FGF14: variants seen among roughly 807,000 people sequenced by gnomAD.
FGF14 encodes fibroblast growth factor homologous factor 4.
Under a neutral mutation model 25.5 loss-of-function variants are expected in FGF14, and 5 were observed. That is an observed-to-expected ratio of 0.20 (90% confidence interval 0.10 to 0.41). The LOEUF (loss-of-function observed/expected upper bound fraction) is 0.41, where lower values mean the gene tolerates loss of function less well. FGF14 is among the 10% of genes least tolerant of loss of function. FGF14 has a pLI of 1.00. For missense variants in FGF14, 222 were observed against 320.1 expected (o/e 0.69, Z 2.34); for synonymous variants, 138 against 118.3 (o/e 1.17, Z -1.08).
chr13:101,949,164 T>C (rs961228505), intron 1 of FGF14, among the ~76,000 whole-genome samples: 2 of 152,202 alleles, frequency 1.3e-5, no homozygotes, highest in African/African-American at 4.8e-5. Flanking sequence ...GCCTCGGTTT[T>C]CTCTCTATGA....
At chr13:102,283,632 T>C (rs2053955366) in intron 1 of FGF14, among the ~76,000 whole-genome samples, 1 of 152,242 alleles carries the variant, frequency 6.6e-6, no homozygotes, top group African/African-American at 2.4e-5. Context: ...TTTTTAAATA[T>C]TTTCAAAGAT....
At chr13:101,910,206 C>A (rs879851490) in intron 1 of FGF14, among the ~76,000 whole-genome samples, 6 of 151,894 alleles carry the variant, frequency 4.0e-5, no homozygotes, top group Non-Finnish European at 8.8e-5. Context: ...AACAAACCTG[C>A]GCTTTGTGCA....
At position 101,763,292 on chromosome 13, in the gene FGF14, G is replaced by C. The variant is rs543687430; in HGVS notation, c.409-36482C>G. 1.3e-3 allele frequency among the ~76,000 whole-genome samples: 199 copies of C among 152,238 alleles called. 2 individuals carry two copies. Among genetic ancestry groups the C allele is most frequent in the African/African-American group, 4.6e-3 (192 of 41,540 alleles). ...GTGGTTAGGCCAGCTGTAAGGCAAG[G>C]GGTGCTCTCTGTAGCACTGATTGGC... On this transcript the variant is annotated intron_variant, in intron 3 of 4. Coordinates refer to ENST00000376143, the MANE Select transcript of FGF14 (RefSeq NM_004115.4).
At chr13:102,380,109 A>C (rs902328251) in intron 1 of FGF14, among the ~76,000 whole-genome samples, 1 of 151,874 alleles carries the variant, frequency 6.6e-6, no homozygotes, top group African/African-American at 2.4e-5. Flanking sequence ...TGAAATCTTA[A>C]ATGCAAGATA....
At chr13:102,088,772 G>T (rs1388604412) in intron 1 of FGF14, among the ~76,000 whole-genome samples, 1 of 152,062 alleles carries the variant, frequency 6.6e-6, no homozygotes, top group East Asian at 1.9e-4. Flanking sequence ...ACACATGTTT[G>T]TGTCATACAA....
intron 1 of FGF14, among the ~76,000 whole-genome samples, chr13:102,144,765 A>G (rs1235356581): frequency 6.6e-6 from 1 of 152,184 alleles, no homozygotes; most frequent in Non-Finnish European, 1.5e-5. Flanking sequence ...GACTGACAGG[A>G]GCTTGATGCC....
intron 1 of FGF14, among the ~76,000 whole-genome samples, chr13:102,108,487 T>C (rs1595300879): frequency 6.6e-6 from 1 of 152,210 alleles, no homozygotes; most frequent in African/African-American, 2.4e-5. Context: ...TAGAATTAGA[T>C]TGGATCTCTG....
intron 1 of FGF14, among the ~76,000 whole-genome samples, chr13:102,235,764 G>C (rs2051300099): frequency 6.6e-6 from 1 of 152,168 alleles, no homozygotes; most frequent in South Asian, 2.1e-4. Flanking sequence ...ACTGAAACCA[G>C]AGTGACTCTA....
chr13:101,897,315 G>C (rs550761716), intron 1 of FGF14, among the ~76,000 whole-genome samples: 5 of 152,312 alleles, frequency 3.3e-5, no homozygotes, highest in African/African-American at 1.2e-4. Flanking sequence ...ATTAAGATTA[G>C]AGCAGCCGAG....
At position 101,761,532 on chromosome 13, in the gene FGF14, A is replaced by G. The variant is rs1434766122; in HGVS notation, c.409-34722T>C. On this transcript the variant is annotated intron_variant, in intron 3 of 4. Coordinates refer to ENST00000376143, the MANE Select transcript of FGF14 (RefSeq NM_004115.4). ...TCTGAGGCATGCAGAAAGGTCGACTATAGACAAATGCTTATTTAGGTTTCT... is the reference window on the plus strand; with the variant it reads ...TCTGAGGCATGCAGAAAGGTCGACTGTAGACAAATGCTTATTTAGGTTTCT... Among the ~76,000 whole-genome samples the G allele has an allele frequency of 2.0e-5, 3 of 152,206 alleles. No individual in the cohort carries two copies. In the East Asian group the frequency reaches 5.8e-4, roughly 29 times the overall value.
chr13:102,220,962 G>GCACAATACAATAACAATACACT (rs1388877244), intron 1 of FGF14, among the ~76,000 whole-genome samples: 1 of 152,074 alleles, frequency 6.6e-6, no homozygotes, highest in South Asian at 2.1e-4. Flanking sequence ...CACTACACAG[G>GCACAATACAATAACAATACACT]GGTATTGAGA....
At chr13:102,249,427 A>G (rs1051368870) in intron 1 of FGF14, among the ~76,000 whole-genome samples, 4 of 152,220 alleles carry the variant, frequency 2.6e-5, no homozygotes, top group African/African-American at 9.7e-5. Context: ...CCTTGAAGAC[A>G]GCAGTTTTGC....
At chr13:101,832,177 G>T (rs2042703060) in intron 3 of FGF14, among the ~76,000 whole-genome samples, 1 of 152,018 alleles carries the variant, frequency 6.6e-6, no homozygotes, top group African/African-American at 2.4e-5. Context: ...GGCAGAGATT[G>T]AGTGATGTGT....
rs771707934 is a variant in FGF14 at position 101,996,407 on chromosome 13, A to G, written c.209-121111T>C. On this transcript the variant is annotated intron_variant, in intron 1 of 4. Transcript: ENST00000376131. ...TCCAGTGGCAAAATGGATGACTTAC[A>G]GAATGGAGACAAGGACAGTTGTTTG... is the stretch of plus-strand genomic sequence containing the variant. Among the ~76,000 whole-genome samples the G allele has an allele frequency of 2.0e-4, 31 of 152,168 alleles. 1 individual carries two copies. The highest frequency in any genetic ancestry group is 5.2e-4 in the Admixed American group (8 of 15,280).
intron 3 of FGF14, among the ~76,000 whole-genome samples, chr13:101,784,389 C>T (rs2039687145): frequency 6.6e-6 from 1 of 151,976 alleles, no homozygotes; most frequent in Admixed American, 6.6e-5. Context: ...AATATAGTTT[C>T]TTCTTCTCTC....
chr13:102,097,073 C>A (rs9518630), intron 1 of FGF14, among the ~76,000 whole-genome samples: 1 of 148,848 alleles, frequency 6.7e-6, no homozygotes, highest in Admixed American at 6.7e-5. Flanking sequence ...CATAAGAAAA[C>A]ACAAAAACAA....
chr13:101,805,591 A>G (rs892948597), intron 3 of FGF14, among the ~76,000 whole-genome samples: 5 of 152,200 alleles, frequency 3.3e-5, no homozygotes, highest in African/African-American at 1.2e-4. Flanking sequence ...GAAGTTAAAG[A>G]TTTGTATGCA....
chr13:101,867,272 C>A (rs1440120938), intron 3 of FGF14, among the ~76,000 whole-genome samples: 1 of 152,016 alleles, frequency 6.6e-6, no homozygotes, highest in Non-Finnish European at 1.5e-5. Context: ...AATGATATAC[C>A]CTACCTTTAA....
intron 1 of FGF14, among the ~76,000 whole-genome samples, chr13:102,171,389 C>A (rs575529708): frequency 6.6e-6 from 1 of 152,110 alleles, no homozygotes; most frequent in Non-Finnish European, 1.5e-5. Context: ...TACATGCTTA[C>A]CATCATTAGA....
Sources: allele counts gnomAD v4.1 joint callset (sites outside exome capture counted in the v4.1 genomes callset), GRCh38; gene constraint gnomAD v4.1.1; transcripts MANE v1.5; gene names NCBI Gene and HGNC (gene_info 2026-07-23, HGNC 2026-07-21).